Variants in TMEM135 observed in about 807,000 individuals in gnomAD.
The protein encoded by TMEM135 is peroxisomal membrane protein 52.
TMEM135 carries 30 observed loss-of-function variants against 60.3 expected under a neutral mutation model. The ratio of observed to expected loss-of-function variants is 0.50; its 90% CI spans 0.37 to 0.68. The LOEUF is 0.68. Among genes scored for constraint, TMEM135 ranks in the 30% least tolerant of loss-of-function variants. TMEM135 has a pLI of 0.00. For missense variants in TMEM135, 468 were observed against 548.8 expected (o/e 0.85, Z 1.47); for synonymous variants, 190 against 186.7 (o/e 1.02, Z -0.14).
At chr11:87,264,307 C>CTTTTTTTTTTT (rs145849024) in intron 6 of TMEM135, among the ~76,000 whole-genome samples, 1 of 146,642 alleles carries the variant, frequency 6.8e-6, no homozygotes, top group South Asian at 2.1e-4. Context: ...TGTTCTTTTT[C>CTTTTTTTTTTT]TTTTCTTTTT....
At chr11:87,274,938 C>G (rs1457895182) in intron 6 of TMEM135, among the ~76,000 whole-genome samples, 1 of 150,698 alleles carries the variant, frequency 6.6e-6, no homozygotes, top group Non-Finnish European at 1.5e-5. Flanking sequence ...ACTCTTTTTT[C>G]CCCCTAAGGA....
chr11:87,274,792 G>GTT, intron 6 of TMEM135, among the ~76,000 whole-genome samples: 1 of 141,284 alleles, frequency 7.1e-6, no homozygotes, highest in Middle Eastern at 3.5e-3. Flanking sequence ...AAGACTGTGT[G>GTT]TGTGTGTGTG....
intron 4 of TMEM135, among the ~76,000 whole-genome samples, chr11:87,154,228 G>T (rs1408958458): frequency 1.3e-5 from 2 of 152,136 alleles, no homozygotes. Context: ...GAATCATTCA[G>T]TATTTGTTGT....
chr11:87,256,128 GT>G (rs1393821817), intron 6 of TMEM135, among the ~76,000 whole-genome samples: 4 of 152,110 alleles, frequency 2.6e-5, no homozygotes, highest in Non-Finnish European at 4.4e-5. Flanking sequence ...TTAAAATGAG[GT>G]TTTGAAGTTA....
At chr11:87,074,758 C>T (rs1452828612) in intron 3 of TMEM135, among the ~76,000 whole-genome samples, 1 of 152,160 alleles carries the variant, frequency 6.6e-6, no homozygotes, top group East Asian at 1.9e-4. Context: ...GCACGTATCT[C>T]TTAAAAATAA....
chr11:87,264,437 A>C (rs1941711915), intron 6 of TMEM135, among the ~76,000 whole-genome samples: 1 of 151,826 alleles, frequency 6.6e-6, no homozygotes, highest in African/African-American at 2.4e-5. Context: ...TATGTAGATA[A>C]ATGGTATTTT....
intron 12 of TMEM135, among the ~76,000 whole-genome samples, chr11:87,316,423 G>A (rs1223866480): frequency 6.6e-6 from 1 of 151,922 alleles, no homozygotes; most frequent in Non-Finnish European, 1.5e-5. Context: ...TTTTTTCTCA[G>A]TGCACTGGAA....
At chr11:87,259,597 A>G (rs1354451111) in intron 6 of TMEM135, among the ~76,000 whole-genome samples, 1 of 152,176 alleles carries the variant, frequency 6.6e-6, no homozygotes, top group African/African-American at 2.4e-5. Flanking sequence ...CTTATTTTTC[A>G]TGTTGTATAG....
chr11:87,061,758 G>A (rs761671960), intron 1 of TMEM135, among the ~76,000 whole-genome samples: 8 of 152,102 alleles, frequency 5.3e-5, no homozygotes, highest in Admixed American at 2.0e-4. Flanking sequence ...CTAATCACAT[G>A]GGGAAAGAAA....
intron 4 of TMEM135, among the ~76,000 whole-genome samples, chr11:87,143,322 C>A (rs1422384042): frequency 6.6e-6 from 1 of 150,586 alleles, no homozygotes. Context: ...ATACCTGGAC[C>A]CATTTGGATT....
chr11:87,180,061 G>A (rs889834835), intron 5 of TMEM135, among the ~76,000 whole-genome samples: 3 of 152,064 alleles, frequency 2.0e-5, no homozygotes, highest in African/African-American at 2.4e-5. Context: ...CTTTTTCTCT[G>A]TTTATGGTCA....
chr11:87,222,631 CCG>C lies in TMEM135; in HGVS notation c.463-14006_463-14005del, dbSNP rs1351515195. On this transcript the variant is annotated intron_variant, in intron 5 of 14. Transcript: ENST00000305494. Reference sequence around the variant, plus strand: ...CCAGCCTGACTAACATAGTGAAACCCCGTCTCTATTAAAAATACAAAAAATAG... The same window carrying C: ...CCAGCCTGACTAACATAGTGAAACCCTCTCTATTAAAAATACAAAAAATAG... Among the ~76,000 whole-genome samples, 8 of 151,378 alleles carry C rather than the reference CCG, an allele frequency of 5.3e-5. No individual in the cohort carries two copies. The East Asian group carries it at 1.6e-3, about 30-fold the overall frequency.
In TMEM135 at chr11:87,100,009, A is replaced by C. The variant is rs150869004; in HGVS notation, c.396+8614A>C. Among the ~76,000 whole-genome samples, 828 of 152,220 alleles carry C rather than the reference A, an allele frequency of 5.4e-3. 3 individuals carry two copies. Among genetic ancestry groups the C allele is most frequent in the Non-Finnish European group, 8.7e-3 (593 of 67,998 alleles). ...AAAGAAACTGTCAAATGTGTTCCTG[A>C]GTGGTGGCTGTATCGTTTTGTTAGG... On this transcript the variant is annotated intron_variant, in intron 4 of 14. Transcript: ENST00000305494.
At chr11:87,241,277 C>T (rs1203870233) in intron 6 of TMEM135, among the ~76,000 whole-genome samples, 1 of 151,982 alleles carries the variant, frequency 6.6e-6, no homozygotes, top group Non-Finnish European at 1.5e-5. Context: ...AACTTTTGAT[C>T]TTGGCGTTTA....
intron 4 of TMEM135, among the ~76,000 whole-genome samples, chr11:87,137,939 C>G (rs558363326): frequency 6.6e-6 from 1 of 152,052 alleles, no homozygotes; most frequent in African/African-American, 2.4e-5. Flanking sequence ...GAATTACTTA[C>G]CAGCCCACAT....
intron 5 of TMEM135, among the ~76,000 whole-genome samples, chr11:87,197,456 A>G (rs1418753516): frequency 1.3e-5 from 2 of 152,148 alleles, no homozygotes; most frequent in Non-Finnish European, 2.9e-5. Context: ...TTTGTATATC[A>G]GAATCTAGAA....
At chr11:87,065,626 A>C (rs1029939523) in intron 1 of TMEM135, among the ~76,000 whole-genome samples, 4 of 152,150 alleles carry the variant, frequency 2.6e-5, no homozygotes, top group African/African-American at 9.6e-5. Context: ...TGCCTTTTTA[A>C]ATTTCCCAAC....
At chr11:87,275,254 T>A (rs1197596017) in intron 6 of TMEM135, among the ~76,000 whole-genome samples, 4 of 152,214 alleles carry the variant, frequency 2.6e-5, no homozygotes, top group Non-Finnish European at 5.9e-5. Context: ...ATTTAGACTC[T>A]GAAGCTTGAA....
rs193280259 is a variant in TMEM135, at chr11:87,221,539, T to C, written c.463-15099T>C. Among the ~76,000 whole-genome samples, 103 of 152,332 alleles carry C rather than the reference T, an allele frequency of 6.8e-4. 1 individual carries two copies. The highest frequency in any genetic ancestry group is 3.4e-3 in the Middle Eastern group (1 of 294). ...CCTGTAGACAGACACTGATTGCCTG[T>C]TGTGTTTTAGGTTATATGGACTAGA... On this transcript the variant is annotated intron_variant, in intron 5 of 14. Coordinates refer to ENST00000305494, the MANE Select transcript of TMEM135 (RefSeq NM_022918.4).
Sources: allele counts gnomAD v4.1 joint callset (sites outside exome capture counted in the v4.1 genomes callset), GRCh38; gene constraint gnomAD v4.1.1; transcripts MANE v1.5; gene names NCBI Gene and HGNC (gene_info 2026-07-23, HGNC 2026-07-21).